The following PRKG1 variants were observed in gnomAD, a reference collection of about 807,000 sequenced individuals.
PRKG1 encodes protein kinase cGMP-dependent 1, also known as cGMP-dependent protein kinase 1.
A neutral mutation model predicts 88.1 loss-of-function variants in PRKG1; 35 were observed. That is an observed-to-expected ratio of 0.40 (90% CI 0.30 to 0.53). The LOEUF is 0.53. Among genes scored for constraint, PRKG1 ranks in the 20% least tolerant of loss-of-function variants. PRKG1 has a pLI of 0.59. For synonymous variants in PRKG1, 303 were observed against 292.5 expected, an observed-to-expected ratio of 1.04 and a Z score of -0.37; for missense variants, 540 against 839.8, an observed-to-expected ratio of 0.64 and a Z score of 4.41.
At chr10:51,890,872 C>G (rs1375711775) in intron 4 of PRKG1, among the ~76,000 whole-genome samples, 1 of 152,204 alleles carries the variant, frequency 6.6e-6, no homozygotes, top group Non-Finnish European at 1.5e-5. Flanking sequence ...AAGAGAATCA[C>G]TTGAACCTGG....
At chr10:51,568,399 T>A (rs1837662242) in intron 3 of PRKG1, 1 of 150,784 alleles carries the variant, frequency 6.6e-6, no homozygotes, top group South Asian at 2.1e-4. Context: ...ATATATTTTT[T>A]AATTGTTGTT....
chr10:52,270,817 A>C (rs978875795), intron 10 of PRKG1, among the ~76,000 whole-genome samples: 14 of 151,978 alleles, frequency 9.2e-5, no homozygotes, highest in Admixed American at 2.0e-4. Flanking sequence ...ACATGTATAC[A>C]TATGTAACAA....
chr10:51,136,599 G>A (rs955379893), intron 1 of PRKG1, among the ~76,000 whole-genome samples: 2 of 120,146 alleles, frequency 1.7e-5, no homozygotes, highest in African/African-American at 6.2e-5. Flanking sequence ...GGGGGGCGGG[G>A]GGAGAGAGAG....
chr10:52,168,597 T>G (rs924548429), intron 9 of PRKG1, among the ~76,000 whole-genome samples: 1 of 152,184 alleles, frequency 6.6e-6, no homozygotes, highest in Non-Finnish European at 1.5e-5. Context: ...AACTGGGCAC[T>G]CTTGTCTCTG....
intron 8 of PRKG1, among the ~76,000 whole-genome samples, chr10:52,139,475 T>C (rs1483532148): frequency 1.3e-5 from 2 of 152,090 alleles, no homozygotes; most frequent in Non-Finnish European, 2.9e-5. Context: ...CTCCATTTCC[T>C]GTTACTGCGT....
chr10:51,798,680 G>A (rs12098392), intron 3 of PRKG1, among the ~76,000 whole-genome samples: 67,922 of 151,802 alleles, frequency 0.45, 15,883 homozygotes, highest in Middle Eastern at 0.55. Flanking sequence ...ATGCTTTTTT[G>A]TTATAGCAAG....
chr10:51,989,012 C>A (rs190707239), intron 5 of PRKG1, among the ~76,000 whole-genome samples: 87 of 152,132 alleles, frequency 5.7e-4, no homozygotes, highest in African/African-American at 1.8e-3. Flanking sequence ...TCTTTTAAAA[C>A]TTTTCATATA....
intron 3 of PRKG1, among the ~76,000 whole-genome samples, chr10:51,784,391 C>A (rs147652919): frequency 1.3e-5 from 2 of 152,022 alleles, no homozygotes; most frequent in Non-Finnish European, 2.9e-5. Context: ...AGCATCAGCT[C>A]GTGTGTGTTC....
At chr10:51,316,860 CT>C (rs936410473) in intron 2 of PRKG1, among the ~76,000 whole-genome samples, 5 of 152,070 alleles carry the variant, frequency 3.3e-5, no homozygotes, top group Admixed American at 3.3e-4. Context: ...CATGACATGG[CT>C]TTTTTATTCT....
intron 9 of PRKG1, among the ~76,000 whole-genome samples, chr10:52,169,962 G>A (rs892142651): frequency 2.0e-5 from 3 of 152,046 alleles, no homozygotes; most frequent in Non-Finnish European, 4.4e-5. Flanking sequence ...CCATCTCCAC[G>A]GATAAGGTTT....
At chr10:51,017,810 A>T (rs867078592) in intron 1 of PRKG1, among the ~76,000 whole-genome samples, 18 of 151,596 alleles carry the variant, frequency 1.2e-4, no homozygotes, top group South Asian at 6.3e-4. Flanking sequence ...TATTTATTTA[A>T]TTTTTTTGAT....
intron 4 of PRKG1, 101 bp from the exon 5 acceptor site, chr10:51,907,406 T>G (rs1033679523): frequency 4.4e-6 from 4 of 908,648 alleles, no homozygotes; most frequent in Admixed American, 2.9e-5. Flanking sequence ...TTCCTTGTCA[T>G]GAAATAGTTT....
intron 5 of PRKG1, among the ~76,000 whole-genome samples, chr10:51,975,972 C>G (rs530965539): frequency 7.0e-4 from 106 of 152,032 alleles, no homozygotes; most frequent in African/African-American, 2.5e-3. Flanking sequence ...ATAAACATTT[C>G]AGCCAAGACA....
At chr10:51,088,461 T>C (rs967651313) in intron 1 of PRKG1, among the ~76,000 whole-genome samples, 4 of 150,934 alleles carry the variant, frequency 2.7e-5, no homozygotes, top group African/African-American at 7.3e-5. Flanking sequence ...GGTAAGACTA[T>C]AGTATATGTG....
At chr10:51,141,191 CAG>C (rs1246197362) in intron 1 of PRKG1, among the ~76,000 whole-genome samples, 2 of 152,200 alleles carry the variant, frequency 1.3e-5, no homozygotes, top group Admixed American at 1.3e-4. Context: ...GGCCTTCACA[CAG>C]AGTTACATCA....
chr10:51,223,503 C>A (rs968099833), intron 2 of PRKG1, among the ~76,000 whole-genome samples: 1 of 152,066 alleles, frequency 6.6e-6, no homozygotes, highest in African/African-American at 2.4e-5. Context: ...CACACATACA[C>A]GAGTGAATAT....
At chr10:51,594,578 G>A (rs867175977) in intron 3 of PRKG1, among the ~76,000 whole-genome samples, 3 of 152,222 alleles carry the variant, frequency 2.0e-5, no homozygotes, top group African/African-American at 4.8e-5. Context: ...TCTGTGATAT[G>A]TTGATAAGGT....
chr10:51,963,663 G>A (rs1843500310), intron 5 of PRKG1, among the ~76,000 whole-genome samples: 1 of 151,892 alleles, frequency 6.6e-6, no homozygotes, highest in South Asian at 2.1e-4. Context: ...GGCCAGGCTG[G>A]TCTCGAACTC....
At chr10:51,640,492 A>G (rs1376848458) in intron 3 of PRKG1, among the ~76,000 whole-genome samples, 1 of 152,246 alleles carries the variant, frequency 6.6e-6, no homozygotes, top group Non-Finnish European at 1.5e-5. Flanking sequence ...GAAAAACAAG[A>G]GAAAGTAAAT....
Sources: allele counts gnomAD v4.1 joint callset (sites outside exome capture counted in the v4.1 genomes callset), GRCh38; gene constraint gnomAD v4.1.1; transcripts MANE v1.5; gene names NCBI Gene and HGNC (gene_info 2026-07-23, HGNC 2026-07-21).